RIMBP2: variants seen among roughly 807,000 people sequenced by gnomAD.
RIMBP2 encodes RIMS binding protein 2, also known as RIMS-binding protein 2.
A neutral mutation model predicts 118.6 loss-of-function variants in RIMBP2; 48 were observed. The ratio of observed to expected loss-of-function variants is 0.40; its 90% CI spans 0.32 to 0.51. The LOEUF is 0.51. Ranked by LOEUF, RIMBP2 falls within the 20% of genes least tolerant of loss-of-function variation. The probability of loss-of-function intolerance (pLI) is 0.41; values close to 1 mark genes in which losing one functional copy is unlikely to be tolerated. For synonymous variants in RIMBP2, 762 were observed against 742.9 expected (o/e 1.03, Z -0.42); for missense variants, 1,551 against 1,768.3 (o/e 0.88, Z 2.20).
At chr12:130,471,300 CCAGGCAAAGGG>C (rs1566097188) in intron 5 of RIMBP2, among the ~76,000 whole-genome samples, 1 of 152,218 alleles carries the variant, frequency 6.6e-6, no homozygotes. Flanking sequence ...TGGCTGCTGC[CCAGGCAAAGGG>C]CAGATTCAAG....
chr12:130,668,780 T>TGTGCCATGCCATGCC (rs1196051487), intron 1 of RIMBP2, among the ~76,000 whole-genome samples: 4 of 152,220 alleles, frequency 2.6e-5, no homozygotes, highest in East Asian at 1.9e-4. Context: ...CAGCACAAGC[T>TGTGCCATGCCATGCC]GTGCCATGCC....
intron 1 of RIMBP2, among the ~76,000 whole-genome samples, chr12:130,655,278 C>T (rs959546661): frequency 6.6e-6 from 1 of 152,246 alleles, no homozygotes; most frequent in Non-Finnish European, 1.5e-5. Flanking sequence ...TTCTTCATTG[C>T]TCTTGCTGCT....
intron 22 of RIMBP2, 106 bp from the exon 23 acceptor site, chr12:130,397,655 G>C (rs1380085304): frequency 5.1e-6 from 2 of 395,512 alleles, no homozygotes; most frequent in Middle Eastern, 1.3e-3. Context: ...GGTCAGGGGG[G>C]TTCATTTGTT....
intron 14 of RIMBP2, chr12:130,432,030 G>T (rs754785265): frequency 7.7e-6 from 2 of 260,748 alleles, no homozygotes; most frequent in African/African-American, 4.6e-5. Flanking sequence ...GGGGCCACCT[G>T]GGGCTGTGGC....
Position 130,570,248 on chromosome 12 carries a change from G to C in RIMBP2, c.-216-52331C>G, listed in dbSNP as rs151028195. 4.4e-3 allele frequency among the ~76,000 whole-genome samples: 674 copies of C among 152,108 alleles called. 15 individuals carry two copies. In the South Asian group the frequency reaches 0.06, roughly 14 times the overall value. On this transcript the variant is annotated intron_variant, in intron 2 of 22. Transcript: ENST00000690449. Reference sequence around the variant, plus strand: ...AGATGAGCCTGCGCAACATGGTAAAGGCCCGTCTCTATAAAAAACACAAAA... The same window carrying C: ...AGATGAGCCTGCGCAACATGGTAAACGCCCGTCTCTATAAAAAACACAAAA...
chr12:130,559,897 C>T (rs778914469), intron 2 of RIMBP2, among the ~76,000 whole-genome samples: 63 of 152,330 alleles, frequency 4.1e-4, no homozygotes, highest in Middle Eastern at 3.4e-3. Flanking sequence ...AAATGAACAA[C>T]GGTAACACCT....
intron 1 of RIMBP2, among the ~76,000 whole-genome samples, chr12:130,704,852 G>A (rs1162105869): frequency 1.3e-5 from 2 of 152,170 alleles, no homozygotes; most frequent in Admixed American, 1.3e-4. Flanking sequence ...CTCTAGCTAT[G>A]TGATCTTGGG....
intron 17 of RIMBP2, chr12:130,414,685 T>A (rs1055384868): frequency 5.9e-6 from 1 of 170,474 alleles, no homozygotes. Context: ...CAGCCCACGT[T>A]TAAAATGTTT....
intron 12 of RIMBP2, among the ~76,000 whole-genome samples, chr12:130,437,766 G>A (rs989887793): frequency 1.3e-5 from 2 of 152,220 alleles, no homozygotes; most frequent in Non-Finnish European, 2.9e-5. Flanking sequence ...TCTGCAGGAA[G>A]CGGCTCAGGC....
At chr12:130,692,880 G>A (rs61934901) in intron 1 of RIMBP2, among the ~76,000 whole-genome samples, 4 of 87,242 alleles carry the variant, frequency 4.6e-5, no homozygotes, top group East Asian at 4.4e-4. Flanking sequence ...GTAGGGTAGG[G>A]TAGGGTAGGG....
intron 1 of RIMBP2, among the ~76,000 whole-genome samples, chr12:130,697,782 G>A (rs1288182545): frequency 6.6e-6 from 1 of 152,054 alleles, no homozygotes; most frequent in African/African-American, 2.4e-5. Context: ...TGATTGCACT[G>A]CTGCACTCCA....
rs139439188 is a variant in RIMBP2 at position 130,449,357 on chromosome 12, G to A, written c.581+843C>T. Among the ~76,000 whole-genome samples, 304 of 152,360 alleles carry A rather than the reference G, an allele frequency of 2.0e-3. 1 individual carries two copies. Among genetic ancestry groups the A allele is most frequent in the African/African-American group, 7.0e-3 (291 of 41,590 alleles). ...CATCCTTGCCCACGTCCGCCTCTGC[G>A]GAAGCTCCCGTGGAGGACCTGAGAG... is the stretch of plus-strand genomic sequence containing the variant. On this transcript the variant is annotated intron_variant, in intron 9 of 22. Coordinates refer to ENST00000690449, the MANE Select transcript of RIMBP2 (RefSeq NM_001393629.1).
intron 14 of RIMBP2, among the ~76,000 whole-genome samples, chr12:130,433,045 C>T (rs551706808): frequency 6.6e-6 from 1 of 152,154 alleles, no homozygotes; most frequent in South Asian, 2.1e-4. Flanking sequence ...GCAAGAAAAC[C>T]CACACTCTTG....
At chr12:130,627,563 A>G (rs146619026) in intron 2 of RIMBP2, among the ~76,000 whole-genome samples, 1 of 152,170 alleles carries the variant, frequency 6.6e-6, no homozygotes, top group Admixed American at 6.5e-5. Flanking sequence ...CGGGTAACTC[A>G]AACTCAAAAC....
chr12:130,608,837 C>T (rs1255661255), intron 2 of RIMBP2, among the ~76,000 whole-genome samples: 2 of 152,090 alleles, frequency 1.3e-5, no homozygotes, highest in Non-Finnish European at 2.9e-5. Context: ...ACCAATACAT[C>T]GTCATTAACT....
chr12:130,686,648 G>A lies in RIMBP2; in HGVS notation c.-352+29574C>T, dbSNP rs565450718. Reference sequence around the variant, plus strand: ...ACGCTGGCACAGCCGTGCTGGCCCCGGGCCACGCGCACATGGCCAGGGCGT... The same window carrying A: ...ACGCTGGCACAGCCGTGCTGGCCCCAGGCCACGCGCACATGGCCAGGGCGT... On this transcript the variant is annotated intron_variant, in intron 1 of 22. Transcript: ENST00000690449. Among the ~76,000 whole-genome samples the A allele has an allele frequency of 7.2e-5, 11 of 152,360 alleles. 1 individual carries two copies. The South Asian group carries it at 1.9e-3, about 26-fold the overall frequency.
intron 14 of RIMBP2, among the ~76,000 whole-genome samples, chr12:130,433,179 G>C (rs1480588070): frequency 6.6e-6 from 1 of 152,196 alleles, no homozygotes; most frequent in African/African-American, 2.4e-5. Flanking sequence ...AGCGACTGTA[G>C]ACATTAAGCC....
intron 2 of RIMBP2, among the ~76,000 whole-genome samples, chr12:130,627,523 G>C (rs1015029099): frequency 2.6e-5 from 4 of 152,200 alleles, no homozygotes; most frequent in African/African-American, 9.7e-5. Flanking sequence ...CCATCGAACT[G>C]TGGATTTTCC....
In RIMBP2 at chr12:130,638,332, T is replaced by C. The variant is rs772102177; in HGVS notation, c.-351-9876A>G. The stretch of plus-strand genomic sequence containing the variant: ...TAAATTATCAAGCCACAAAGAGATA[T>C]AGAGGAGCCTTCATTGCACATCACT... On this transcript the variant is annotated intron_variant, in intron 1 of 22. Coordinates refer to ENST00000690449, the MANE Select transcript of RIMBP2 (RefSeq NM_001393629.1). 6.6e-5 allele frequency among the ~76,000 whole-genome samples: 10 copies of C among 152,320 alleles called. 1 individual carries two copies. The South Asian group carries it at 1.2e-3, about 19-fold the overall frequency.
Sources: allele counts gnomAD v4.1 joint callset (sites outside exome capture counted in the v4.1 genomes callset), GRCh38; gene constraint gnomAD v4.1.1; transcripts MANE v1.5; gene names NCBI Gene and HGNC (gene_info 2026-07-23, HGNC 2026-07-21).